Variants in ZNF850 observed in about 807,000 individuals in gnomAD.
ZNF850 encodes putative zinc finger protein ENSP00000330994.
Under a neutral mutation model 11.9 loss-of-function variants are expected in ZNF850, and 2 were observed. That is an observed-to-expected ratio of 0.17 (90% CI 0.07 to 0.53). The LOEUF is 0.53. Ranked by LOEUF, ZNF850 falls within the 20% of genes least tolerant of loss-of-function variation. The pLI is 0.94. For missense variants in ZNF850, 1,014 were observed against 1,316.4 expected (o/e 0.77, Z 3.55); for synonymous variants, 381 against 443.0 (o/e 0.86, Z 1.76).
At position 36,744,127 on chromosome 19, in the gene ZNF850, A is replaced by C. The variant is rs1263981468; in HGVS notation, c.*3640T>G. On this transcript the variant is annotated 3_prime_UTR_variant, in exon 5 of 5. Coordinates refer to ENST00000591344, the MANE Select transcript of ZNF850 (RefSeq NM_001193552.2). The stretch of plus-strand genomic sequence containing the variant: ...GGGAGGCAGAGGTTGCGGTAAGCCG[A>C]GATCGTGCCATTGCACTCCAGCCTG... 6.6e-6 allele frequency: 1 copy of C among 151,908 alleles called. No homozygotes were observed. Among genetic ancestry groups the C allele is most frequent in the Non-Finnish European group, 1.5e-5 (1 of 68,064 alleles). The allele number at this position is 151,908 out of a possible 1,614,324, so 9.4% of individuals were successfully genotyped here. A position where few individuals can be genotyped will look rare whatever the true frequency, so the allele number is the denominator to read the frequency against.
At position 36,759,395 on chromosome 19, in the gene ZNF850, A is replaced by G. The variant is rs560450821; in HGVS notation, c.235+2248T>C. On this transcript the variant is annotated intron_variant, in intron 4 of 4. Transcript: ENST00000591344. ...GAGGCAGAGGTGGGAGGATCACTTG[A>G]GTCCTGGAGGTCAAGGCTGCAGTGA... Among the ~76,000 whole-genome samples the G allele has an allele frequency of 2.3e-4, 35 of 152,260 alleles. No homozygotes were observed. The Middle Eastern group carries it at 0.014, about 59-fold the overall frequency.
At chr19:36,770,732 A>AAAAAAAAAAC (rs2040576551) in intron 1 of ZNF850, among the ~76,000 whole-genome samples, 1 of 147,698 alleles carries the variant, frequency 6.8e-6, no homozygotes, top group Non-Finnish European at 1.5e-5. Context: ...AAAAAAAAAA[A>AAAAAAAAAAC]AAAAAAGCCA....
intron 1 of ZNF850, among the ~76,000 whole-genome samples, chr19:36,769,276 A>AAAAAAG (rs1555812486): frequency 1.8e-5 from 2 of 113,182 alleles, no homozygotes; most frequent in Non-Finnish European, 1.7e-5. Flanking sequence ...AAAAAAAAAA[A>AAAAAAG]AAAGAAAGAA....
chr19:36,762,262 T>A (rs746226252), intron 3 of ZNF850, 43 bp downstream of exon 3: 6 of 1,455,692 alleles, frequency 4.1e-6, no homozygotes, highest in Non-Finnish European at 4.5e-6. Context: ...AATTGAAAGC[T>A]ACACCCAAAA....
At chr19:36,754,841 G>C (rs826982) in intron 4 of ZNF850, among the ~76,000 whole-genome samples, 32 of 152,012 alleles carry the variant, frequency 2.1e-4, no homozygotes, top group East Asian at 5.8e-4. Context: ...AGGCGTGAGC[G>C]ACCACGCACG....
At chr19:36,761,583 T>G in intron 4 of ZNF850, 60 bp downstream of exon 4, 1 of 971,096 alleles carries the variant, frequency 1.0e-6, no homozygotes, top group Non-Finnish European at 1.6e-6. Context: ...CGGTGCTGCC[T>G]CCCTGACAGG....
In ZNF850 at chr19:36,748,242, G is replaced by A; in HGVS notation, c.2798C>T (p.Ala933Val). ...KPYRCHECGK[A>V]FVRFSGLTKH... ...GGTGAGTCCTGAGAAACGGACAAAG[G>A]CTTTTCCACATTCATGACATCGATA... is the stretch of plus-strand genomic sequence containing the variant. Residue 933 changes from alanine to valine, a missense_variant, in exon 5 of 5, where the codon GCC becomes GTC. Ala to Val is a moderately conservative substitution (Grantham distance 64). This residue lies in a region of ZNF850 where 179 missense variants were observed against 294.4 expected (regional missense o/e 0.61). Transcript: ENST00000591344. 6.4e-7 allele frequency: 1 copy of A among 1,552,878 alleles called. No individual in the cohort carries two copies. The highest frequency in any genetic ancestry group is 8.7e-7 in the Non-Finnish European group (1 of 1,152,368).
rs58851544 is a variant in ZNF850, at chr19:36,753,422, C to CAAAAAAAAAAAAAA, written c.236-2632_236-2619dup. ...TGGGCAACAGCCTGGGACACTGTCT[C>CAAAAAAAAAAAAAA]AAAAAAAAAAAAAAAAAAAAAAAAG... On this transcript the variant is annotated intron_variant, in intron 4 of 4. Transcript: ENST00000591344. Among the ~76,000 whole-genome samples the CAAAAAAAAAAAAAA allele has an allele frequency of 1.3e-4, 6 of 46,650 alleles. 2 individuals carry two copies. Among genetic ancestry groups the CAAAAAAAAAAAAAA allele is most frequent in the African/African-American group, 2.8e-4 (4 of 14,202 alleles). The allele number at this position is 46,650 out of a possible 152,430, so 30.6% of individuals were successfully genotyped here. A position where few individuals can be genotyped will look rare whatever the true frequency, so the allele number is the denominator to read the frequency against.
chr19:36,744,934 A>T lies in ZNF850; in HGVS notation c.*2833T>A, dbSNP rs1228474674. Reference sequence around the variant, plus strand: ...GGAGATTGAGACCATCCTGGCTAACATGGTGAAATTCCGTCTCTACTACAA... The same window carrying T: ...GGAGATTGAGACCATCCTGGCTAACTTGGTGAAATTCCGTCTCTACTACAA... On this transcript the variant is annotated 3_prime_UTR_variant, in exon 5 of 5. Coordinates refer to ENST00000591344, the MANE Select transcript of ZNF850 (RefSeq NM_001193552.2). 2 of 152,190 alleles carry T rather than the reference A, an allele frequency of 1.3e-5. No homozygotes were observed. Among genetic ancestry groups the T allele is most frequent in the African/African-American group, 4.8e-5 (2 of 41,402 alleles). 9.4% of individuals were successfully genotyped at this position (152,190 alleles called of 1,614,324 possible).
rs1211484813 is a variant in ZNF850, at chr19:36,750,266, G to A, written c.774C>T (p.Ser258=). The stretch of plus-strand genomic sequence containing the variant: ...GTGCAGACGGTCTAAAGGCCTTCAC[G>A]GATTCCTGACACTCATGAGGTCTCT... ...TDERPHECQE[S]VKAFRPSAHL... The change falls in exon 5 of 5, where the codon TCC becomes TCT. Residue 258 remains serine (S), a synonymous_variant. Transcript: ENST00000591344. The A allele has an allele frequency of 1.6e-5, 24 of 1,537,186 alleles. No individual in the cohort carries two copies. In the East Asian group the frequency reaches 3.7e-4, roughly 23 times the overall value.
chr19:36,752,793 T>A (rs986561160), intron 4 of ZNF850, among the ~76,000 whole-genome samples: 1 of 152,164 alleles, frequency 6.6e-6, no homozygotes, highest in Non-Finnish European at 1.5e-5. Context: ...TAACTGGAAA[T>A]GCAAAAGCAA....
rs1028357797 is a variant in ZNF850, at chr19:36,745,890, G to A, written c.*1877C>T. 2 of 152,220 alleles carry A rather than the reference G, an allele frequency of 1.3e-5. No homozygotes were observed. The highest frequency in any genetic ancestry group is 4.8e-5 in the African/African-American group (2 of 41,454). The allele number at this position is 152,220 out of a possible 1,614,324, so 9.4% of individuals were successfully genotyped here. A position where few individuals can be genotyped will look rare whatever the true frequency, so the allele number is the denominator to read the frequency against. ...AATAAAAACTTAGCTGGGTGTCATGGTGCTGCTGGGAGTATAGCAGTGAGG... is the reference window on the plus strand; with the variant it reads ...AATAAAAACTTAGCTGGGTGTCATGATGCTGCTGGGAGTATAGCAGTGAGG... On this transcript the variant is annotated 3_prime_UTR_variant, in exon 5 of 5. Transcript: ENST00000591344.
chr19:36,749,334 G>T lies in ZNF850; in HGVS notation c.1706C>A (p.Ser569Tyr). The change falls in exon 5 of 5, where the codon TCT (serine) becomes TAT (tyrosine). Residue 569 changes from serine (S) to tyrosine (Y), a missense_variant. Around this residue, in one of 2 missense-constraint regions of ZNF850, gnomAD observed 835 missense variants for 1,022.0 expected, o/e 0.82. Coordinates refer to ENST00000591344, the MANE Select transcript of ZNF850 (RefSeq NM_001193552.2). Reference protein sequence around the residue: ...KPYDCKECGKSFTSRSALIQH... With the variant: ...KPYDCKECGKYFTSRSALIQH... The stretch of plus-strand genomic sequence containing the variant: ...AATTAGTGCTGAGCGAGAAGTAAAA[G>T]ATTTTCCACATTCTTTACAATCATA... 1 of 1,554,000 alleles carries T rather than the reference G, an allele frequency of 6.4e-7. No individual in the cohort carries two copies. Among genetic ancestry groups the T allele is most frequent in the Non-Finnish European group, 8.7e-7 (1 of 1,153,918 alleles).
In ZNF850 at chr19:36,749,025, G is replaced by T; in HGVS notation, c.2015C>A (p.Pro672His). ...CTTCCCACAGTCCGGACATTCATAG[G>T]GTTTCTCACCAGTGTGAATTCTGTG... ...QHHRIHTGEK[P>H]YECPDCGKAF... The change falls in exon 5 of 5, where the codon CCC (proline) becomes CAC (histidine). Residue 672 changes from proline to histidine, a missense_variant. Transcript: ENST00000591344. 6.2e-7 allele frequency: 1 copy of T among 1,608,884 alleles called. No homozygotes were observed. The highest frequency in any genetic ancestry group is 8.5e-7 in the Non-Finnish European group (1 of 1,178,422).
At position 36,749,058 on chromosome 19, in the gene ZNF850, G is replaced by T. The variant is rs755794936; in HGVS notation, c.1982C>A (p.Thr661Asn). ...ACCAGTGTGAATTCTGTGATGTTGGGTGAGTCCTGAGACACTGACAAAGGC... is the reference window on the plus strand; with the variant it reads ...ACCAGTGTGAATTCTGTGATGTTGGTTGAGTCCTGAGACACTGACAAAGGC... ...GKAFVSVSGLTQHHRIHTGEK... is the reference protein window; with the variant it reads ...GKAFVSVSGLNQHHRIHTGEK... Residue 661 changes from threonine to asparagine, a missense_variant, in exon 5 of 5, where the codon ACC (threonine) becomes AAC (asparagine). Thr to Asn is a moderately conservative substitution (Grantham distance 65). This residue lies in a region of ZNF850 where 835 missense variants were observed against 1,022.0 expected (regional missense o/e 0.82). Coordinates refer to ENST00000591344, the MANE Select transcript of ZNF850 (RefSeq NM_001193552.2). 1 of 1,601,798 alleles carries T rather than the reference G, an allele frequency of 6.2e-7. No individual in the cohort carries two copies. Among genetic ancestry groups the T allele is most frequent in the Non-Finnish European group, 8.5e-7 (1 of 1,176,052 alleles).
rs991370016 is a variant in ZNF850, at chr19:36,755,982, T to C, written c.236-5178A>G. On this transcript the variant is annotated intron_variant, in intron 4 of 4. Transcript: ENST00000591344. Reference sequence around the variant, plus strand: ...GTGCAGTGGTGTGTTCTTGACTCACTGCAACCTCCGCTTCCTGGTTTCATG... The same window carrying C: ...GTGCAGTGGTGTGTTCTTGACTCACCGCAACCTCCGCTTCCTGGTTTCATG... Among the ~76,000 whole-genome samples, 4 of 148,406 alleles carry C rather than the reference T, an allele frequency of 2.7e-5. No homozygotes were observed. In the Admixed American group the frequency reaches 2.7e-4, roughly 10 times the overall value.
At chr19:36,764,428 A>C (rs1416427564) in intron 1 of ZNF850, among the ~76,000 whole-genome samples, 1 of 152,082 alleles carries the variant, frequency 6.6e-6, no homozygotes, top group East Asian at 1.9e-4. Flanking sequence ...GTCTGGTGAA[A>C]GGCTACTGTA....
rs570789373 is a variant in ZNF850 at position 36,771,613 on chromosome 19, T to G, written c.-70+1112A>C. ...GCCCGGGACCAATCAGGGGCTGAAG[T>G]GAAAGCTTGGCCCGGGACCAATGAG... On this transcript the variant is annotated intron_variant, in intron 1 of 4. Coordinates refer to ENST00000591344, the MANE Select transcript of ZNF850 (RefSeq NM_001193552.2). Among the ~76,000 whole-genome samples the G allele has an allele frequency of 7.9e-5, 12 of 152,028 alleles. No homozygotes were observed. The East Asian group carries it at 2.3e-3, about 29-fold the overall frequency.
chr19:36,749,445 G>A lies in ZNF850; in HGVS notation c.1595C>T (p.Pro532Leu). 1 of 1,551,000 alleles carries A rather than the reference G, an allele frequency of 6.4e-7. No homozygotes were observed. Among genetic ancestry groups the A allele is most frequent in the Non-Finnish European group, 8.7e-7 (1 of 1,153,008 alleles). Residue 532 changes from proline (P) to leucine (L), a missense_variant, in exon 5 of 5, where the codon CCC becomes CTC. Around this residue, in one of 2 missense-constraint regions of ZNF850, gnomAD observed 835 missense variants for 1,022.0 expected, o/e 0.82. Transcript: ENST00000591344. ...QHQRIHTGEKPYHCKECGKSF... is the reference protein window; with the variant it reads ...QHQRIHTGEKLYHCKECGKSF... ...TTTTCCACATTCCTTACAATGATAG[G>A]GTTTCTCACCAGTGTGAATTCGCTG...
Sources: gnomAD v4.1 joint callset for allele counts (sites outside exome capture counted in the v4.1 genomes callset) on GRCh38, gnomAD v4.1.1 for gene constraint, gnomAD v4.1.1 regional missense constraint, MANE v1.5 for transcripts, NCBI Gene and HGNC (gene_info 2026-07-23, HGNC 2026-07-21) for gene names.